The following SEM1 variants were observed in gnomAD, a reference collection of about 807,000 sequenced individuals.
SEM1 encodes the protein 26S proteasome complex subunit SEM1.
Under a neutral mutation model 12.7 loss-of-function variants are expected in SEM1, and 3 were observed. That is an observed-to-expected ratio of 0.24 (90% CI 0.11 to 0.61). The LOEUF is 0.61. SEM1 is among the 20% of genes least tolerant of loss of function. The probability of loss-of-function intolerance (pLI) is 0.88; values close to 1 mark genes in which losing one functional copy is unlikely to be tolerated. For missense variants in SEM1, 59 were observed against 81.3 expected (o/e 0.73, Z 1.06); for synonymous variants, 30 against 27.8 (o/e 1.08, Z -0.25).
chr7:96,590,779 G>A (rs562221139), intron 2 of SEM1, among the ~76,000 whole-genome samples: 10 of 152,278 alleles, frequency 6.6e-5, no homozygotes, highest in South Asian at 6.2e-4. Flanking sequence ...AGGTAGATTC[G>A]CCATTGAGGA....
intron 2 of SEM1, among the ~76,000 whole-genome samples, chr7:96,599,607 C>G (rs1048188959): frequency 2.6e-5 from 4 of 152,150 alleles, no homozygotes; most frequent in Non-Finnish European, 4.4e-5. Context: ...ATCTTTCTGA[C>G]AATGCTTCCT....
At chr7:96,591,974 CTT>C (rs1488965105) in intron 2 of SEM1, among the ~76,000 whole-genome samples, 1 of 152,072 alleles carries the variant, frequency 6.6e-6, no homozygotes, top group African/African-American at 2.4e-5. Flanking sequence ...CTGCAGTTAT[CTT>C]GGTGAGTATT....
At chr7:96,495,823 A>T (rs770296111) in intron 1 of SEM1, among the ~76,000 whole-genome samples, 4 of 152,136 alleles carry the variant, frequency 2.6e-5, no homozygotes, top group Non-Finnish European at 5.9e-5. Context: ...CAGCAGATGA[A>T]GGTCTTGTTT....
rs373200598 is a variant in SEM1 at position 96,673,513 on chromosome 7, G to C, written c.*247C>G. On this transcript the variant is annotated 3_prime_UTR_variant, in exon 3 of 3. Transcript: ENST00000413065. Reference sequence around the variant, plus strand: ...GTAAGCCCCTGTTATGTAGCTACAGGAAGTATCATAATCTCTTACTACCCA... The same window carrying C: ...GTAAGCCCCTGTTATGTAGCTACAGCAAGTATCATAATCTCTTACTACCCA... 718 of 479,092 alleles carry C rather than the reference G, an allele frequency of 1.5e-3. 19 individuals carry two copies. In the South Asian group the frequency reaches 0.02, roughly 14 times the overall value. The allele number at this position is 479,092 out of a possible 1,614,324, so 29.7% of individuals were successfully genotyped here.
chr7:96,490,984 A>T (rs1802984354), intron 1 of SEM1, among the ~76,000 whole-genome samples: 1 of 152,208 alleles, frequency 6.6e-6, no homozygotes, highest in Non-Finnish European at 1.5e-5. Context: ...TCCAGCACAC[A>T]GGATCTCTGA....
chr7:96,632,706 A>T (rs952956170), intron 2 of SEM1, among the ~76,000 whole-genome samples: 1 of 151,902 alleles, frequency 6.6e-6, no homozygotes, highest in Non-Finnish European at 1.5e-5. Flanking sequence ...GTATAATAAT[A>T]ATTTTAAAAA....
intron 2 of SEM1, among the ~76,000 whole-genome samples, chr7:96,605,343 G>A (rs553535171): frequency 6.6e-6 from 1 of 152,246 alleles, no homozygotes; most frequent in East Asian, 1.9e-4. Flanking sequence ...AATATTTCAT[G>A]TGAAGGCCAA....
downstream of SEM1, among the ~76,000 whole-genome samples, chr7:96,671,849 A>G (rs995127519): frequency 1.9e-4 from 29 of 152,230 alleles, no homozygotes; most frequent in African/African-American, 7.0e-4. Context: ...AGGTATCTGG[A>G]CAATATTATT....
chr7:96,576,793 C>T (rs763714737), intron 2 of SEM1, among the ~76,000 whole-genome samples: 3 of 152,054 alleles, frequency 2.0e-5, no homozygotes, highest in East Asian at 3.9e-4. Flanking sequence ...GAAGCCATCA[C>T]AAAAACCTTC....
intron 2 of SEM1, among the ~76,000 whole-genome samples, chr7:96,625,227 TA>T (rs1808024657): frequency 6.6e-6 from 1 of 152,192 alleles, no homozygotes; most frequent in Non-Finnish European, 1.5e-5. Flanking sequence ...CCAGCGCATC[TA>T]CAAGCAATTC....
At chr7:96,580,741 T>A (rs1806370006) in intron 2 of SEM1, among the ~76,000 whole-genome samples, 1 of 152,226 alleles carries the variant, frequency 6.6e-6, no homozygotes, top group African/African-American at 2.4e-5. Flanking sequence ...CATTTTTTCA[T>A]GTGTTTTTTG....
chr7:96,531,611 A>G (rs966605079), intron 2 of SEM1, among the ~76,000 whole-genome samples: 4 of 151,478 alleles, frequency 2.6e-5, no homozygotes, highest in African/African-American at 9.7e-5. Context: ...GTGTGGAAAA[A>G]AAAAAAAAAA....
intron 2 of SEM1, chr7:96,647,491 C>G (rs541020242): frequency 6.6e-6 from 1 of 152,080 alleles, no homozygotes; most frequent in East Asian, 1.9e-4. Flanking sequence ...GATCCGGTAT[C>G]CTAAATATCT....
chr7:96,651,486 T>C (rs1049375047), intron 2 of SEM1, among the ~76,000 whole-genome samples: 2 of 152,022 alleles, frequency 1.3e-5, no homozygotes, highest in Non-Finnish European at 2.9e-5. Flanking sequence ...TCTCTATTCA[T>C]AGGTAAAAGG....
chr7:96,674,495 A>C (rs914582133), intron 2 of SEM1, among the ~76,000 whole-genome samples: 3 of 151,900 alleles, frequency 2.0e-5, no homozygotes, highest in East Asian at 1.9e-4. Flanking sequence ...TTTCTCTAAA[A>C]AAACAAACAA....
intron 2 of SEM1, among the ~76,000 whole-genome samples, chr7:96,585,063 G>A (rs988191601): frequency 1.3e-4 from 20 of 151,928 alleles, no homozygotes; most frequent in African/African-American, 4.6e-4. Context: ...AGAGTTTCCA[G>A]TTTTTCTGCT....
intron 2 of SEM1, among the ~76,000 whole-genome samples, chr7:96,578,515 A>G (rs1806282394): frequency 6.6e-6 from 1 of 152,110 alleles, no homozygotes; most frequent in Admixed American, 6.6e-5. Context: ...TGAAATTAGC[A>G]CATTTCTAAC....
intron 2 of SEM1, among the ~76,000 whole-genome samples, chr7:96,553,736 T>A (rs1431179495): frequency 6.6e-6 from 1 of 152,198 alleles, no homozygotes; most frequent in Non-Finnish European, 1.5e-5. Flanking sequence ...GTGAAGAAAG[T>A]CATTGGTAGC....
At chr7:96,514,652 C>T (rs796753399) in intron 2 of SEM1, among the ~76,000 whole-genome samples, 10 of 151,094 alleles carry the variant, frequency 6.6e-5, no homozygotes, top group African/African-American at 2.4e-4. Context: ...AACATGATAC[C>T]ATTTATGTTA....
Sources: allele counts gnomAD v4.1 joint callset (sites outside exome capture counted in the v4.1 genomes callset), GRCh38; gene constraint gnomAD v4.1.1; transcripts MANE v1.5; gene names NCBI Gene and HGNC (gene_info 2026-07-23, HGNC 2026-07-21).